STX8: variants seen among roughly 807,000 people sequenced by gnomAD.
STX8 encodes syntaxin 8, also known as syntaxin-8.
A neutral mutation model predicts 37.5 loss-of-function variants in STX8; 23 were observed. That is an observed-to-expected ratio of 0.61 (90% CI 0.44 to 0.87). The LOEUF (loss-of-function observed/expected upper bound fraction) is 0.87. Among genes scored for constraint, STX8 ranks in the 40% least tolerant of loss-of-function variants. STX8 has a pLI of 0.00. For missense variants in STX8, 313 were observed against 284.7 expected (o/e 1.10, Z -0.71); for synonymous variants, 115 against 99.1 (o/e 1.16, Z -0.95).
chr17:9,458,626 C>A (rs939124316), intron 6 of STX8, among the ~76,000 whole-genome samples: 1 of 152,192 alleles, frequency 6.6e-6, no homozygotes, highest in Admixed American at 6.5e-5. Context: ...AGTTTGCTCT[C>A]GTGCTCTTGT....
intron 7 of STX8, among the ~76,000 whole-genome samples, chr17:9,313,007 A>G (rs1262323320): frequency 6.6e-6 from 1 of 151,974 alleles, no homozygotes; most frequent in Non-Finnish European, 1.5e-5. Flanking sequence ...CCTGACCAAC[A>G]TGGTGAAACC....
rs1351505263 is a variant in STX8, at chr17:9,546,590, GGTTTT to G, written c.213-1313_213-1309del. Among the ~76,000 whole-genome samples the G allele has an allele frequency of 4.8e-3, 297 of 62,240 alleles. 9 individuals carry two copies. Among genetic ancestry groups the G allele is most frequent in the African/African-American group, 0.015 (252 of 17,104 alleles). 40.8% of individuals were successfully genotyped at this position (62,240 alleles called of 152,430 possible). A position where few individuals can be genotyped will look rare whatever the true frequency, so the allele number is the denominator to read the frequency against. On this transcript the variant is annotated intron_variant, in intron 3 of 7. Transcript: ENST00000306357. ...CTTTCTTGATGCAAACTACAAAAGT[GGTTTT>G]TTTTTTTTTTTTTTTTTTTTGGAGA...
At chr17:9,352,388 A>C (rs1910735184) in intron 7 of STX8, among the ~76,000 whole-genome samples, 1 of 151,318 alleles carries the variant, frequency 6.6e-6, no homozygotes, top group South Asian at 2.1e-4. Flanking sequence ...TGGTTGCAAA[A>C]GCTGTTTTTC....
intron 7 of STX8, among the ~76,000 whole-genome samples, chr17:9,372,534 G>A (rs1202389151): frequency 6.6e-6 from 1 of 151,956 alleles, no homozygotes; most frequent in Non-Finnish European, 1.5e-5. Flanking sequence ...CTGGAGTGCA[G>A]TGGCATGATC....
chr17:9,429,351 A>G (rs1913758442), intron 6 of STX8, among the ~76,000 whole-genome samples: 1 of 145,630 alleles, frequency 6.9e-6, no homozygotes, highest in Non-Finnish European at 1.5e-5. Flanking sequence ...ATATTTATAT[A>G]TAATATATAA....
intron 6 of STX8, among the ~76,000 whole-genome samples, chr17:9,390,958 A>C (rs1002442753): frequency 2.6e-5 from 4 of 152,170 alleles, no homozygotes; most frequent in Non-Finnish European, 4.4e-5. Context: ...AAAGTGACAA[A>C]ACTTTATTGG....
intron 4 of STX8, among the ~76,000 whole-genome samples, chr17:9,528,990 A>C (rs532673418): frequency 6.6e-6 from 1 of 152,266 alleles, no homozygotes; most frequent in Non-Finnish European, 1.5e-5. Flanking sequence ...CAGAGTCATT[A>C]CGGGGGAAAT....
intron 7 of STX8, among the ~76,000 whole-genome samples, chr17:9,336,719 C>A (rs1763779599): frequency 6.6e-6 from 1 of 152,120 alleles, no homozygotes; most frequent in South Asian, 2.1e-4. Context: ...CAGGTGTAAG[C>A]CACCGTGCCC....
chr17:9,416,179 A>C (rs955883230), intron 6 of STX8, among the ~76,000 whole-genome samples: 1 of 152,072 alleles, frequency 6.6e-6, no homozygotes, highest in Non-Finnish European at 1.5e-5. Flanking sequence ...TTTAAGTCAT[A>C]CCTTACCTAG....
chr17:9,515,218 AT>A (rs61593410), intron 4 of STX8, among the ~76,000 whole-genome samples: 10,668 of 152,136 alleles, frequency 0.07, 1,304 homozygotes, highest in African/African-American at 0.24. Flanking sequence ...CAATTATTGC[AT>A]TTTTTTACAC....
At chr17:9,459,242 G>A (rs1905281208) in intron 6 of STX8, among the ~76,000 whole-genome samples, 1 of 152,204 alleles carries the variant, frequency 6.6e-6, no homozygotes, top group Non-Finnish European at 1.5e-5. Context: ...TATCATGGGA[G>A]CAGAAGAGAT....
At chr17:9,300,942 C>T (rs11651817) in intron 7 of STX8, among the ~76,000 whole-genome samples, 16,645 of 148,790 alleles carry the variant, frequency 0.11, 1,100 homozygotes, top group Middle Eastern at 0.19. Context: ...ACACCATTCT[C>T]CTGCCTCAGC....
At chr17:9,387,421 GA>G (rs1912051227) in intron 6 of STX8, among the ~76,000 whole-genome samples, 1 of 152,114 alleles carries the variant, frequency 6.6e-6, no homozygotes, top group Non-Finnish European at 1.5e-5. Context: ...TCAGCCTCCC[GA>G]GTAATGGGAC....
At chr17:9,326,585 A>G (rs548957069) in intron 7 of STX8, among the ~76,000 whole-genome samples, 3 of 152,150 alleles carry the variant, frequency 2.0e-5, no homozygotes, top group Non-Finnish European at 4.4e-5. Flanking sequence ...ACTCTGGTGG[A>G]GTTACGACCC....
At chr17:9,461,008 TAGGA>T (rs1373109919) in intron 6 of STX8, among the ~76,000 whole-genome samples, 1 of 149,138 alleles carries the variant, frequency 6.7e-6, no homozygotes, top group Admixed American at 6.8e-5. Flanking sequence ...CTCAACAGCC[TAGGA>T]AAGAAAAATG....
intron 6 of STX8, among the ~76,000 whole-genome samples, chr17:9,485,036 C>T (rs568149059): frequency 6.6e-6 from 1 of 152,260 alleles, no homozygotes; most frequent in East Asian, 1.9e-4. Context: ...TGCCTGTGGT[C>T]CCGGCTACTG....
intron 7 of STX8, among the ~76,000 whole-genome samples, chr17:9,329,635 G>C (rs992923049): frequency 6.6e-6 from 1 of 152,234 alleles, no homozygotes; most frequent in Non-Finnish European, 1.5e-5. Flanking sequence ...GTGCCAAATG[G>C]GGGAGGATGC....
At chr17:9,521,779 T>A (rs1905345786) in intron 4 of STX8, among the ~76,000 whole-genome samples, 1 of 152,240 alleles carries the variant, frequency 6.6e-6, no homozygotes, top group Non-Finnish European at 1.5e-5. Flanking sequence ...TCAAATTGAA[T>A]AATCTCCATT....
chr17:9,506,522 CT>C (rs143110082), intron 4 of STX8, among the ~76,000 whole-genome samples: 3,367 of 150,944 alleles, frequency 0.022, 60 homozygotes, highest in East Asian at 0.07. Context: ...GGAGAGGCCC[CT>C]GTGGTGACTG....
Sources: gnomAD v4.1 joint callset for allele counts (sites outside exome capture counted in the v4.1 genomes callset) on GRCh38, gnomAD v4.1.1 for gene constraint, MANE v1.5 for transcripts, NCBI Gene and HGNC (gene_info 2026-07-23, HGNC 2026-07-21) for gene names.